Variants in IGFL4 observed in about 807,000 individuals in gnomAD.
IGFL4 encodes the protein insulin growth factor-like family member 4.
IGFL4 carries 12 observed loss-of-function variants against 15.4 expected under a neutral mutation model. The ratio of observed to expected loss-of-function variants is 0.78; its 90% CI spans 0.50 to 1.26. The LOEUF (loss-of-function observed/expected upper bound fraction) is 1.26, where lower values mean the gene tolerates loss of function less well. Ranked by LOEUF, IGFL4 falls within the 50% of genes most tolerant of loss-of-function variation. IGFL4 has a pLI of 0.00. For missense variants in IGFL4, 126 were observed against 147.8 expected, an observed-to-expected ratio of 0.85 and a Z score of 0.76; for synonymous variants, 54 against 55.9, an observed-to-expected ratio of 0.97 and a Z score of 0.16.
At chr19:46,053,421 G>A (rs1457394768) in intron 2 of IGFL4, among the ~76,000 whole-genome samples, 1 of 152,136 alleles carries the variant, frequency 6.6e-6, no homozygotes, top group African/African-American at 2.4e-5. Context: ...TACCATGTTG[G>A]CCAGGGTGGT....
chr19:46,056,586 G>A (rs1969394870), intron 2 of IGFL4, among the ~76,000 whole-genome samples: 2 of 152,192 alleles, frequency 1.3e-5, no homozygotes, highest in African/African-American at 4.8e-5. Flanking sequence ...GAAAAATACT[G>A]ACATGGGTGA....
chr19:46,039,568 T>C lies in IGFL4; in HGVS notation c.*324A>G, dbSNP rs1969214717. On this transcript the variant is annotated 3_prime_UTR_variant, in exon 4 of 4. Transcript: ENST00000377697. Reference sequence around the variant, plus strand: ...TTGTTTGTATCCTCTTTTATTTCCTTGAGCAGTGGTTTGTAGTTCTCCTTG... The same window carrying C: ...TTGTTTGTATCCTCTTTTATTTCCTCGAGCAGTGGTTTGTAGTTCTCCTTG... Among the ~76,000 whole-genome samples the C allele has an allele frequency of 7.0e-6, 1 of 142,736 alleles. No homozygotes were observed. The highest frequency in any genetic ancestry group is 7.1e-5 in the Admixed American group (1 of 14,016). 93.6% of individuals were successfully genotyped at this position (142,736 alleles called of 152,430 possible). A position where few individuals can be genotyped will look rare whatever the true frequency, so the allele number is the denominator to read the frequency against.
chr19:46,040,569 C>T lies in IGFL4; in HGVS notation c.20-1G>A, dbSNP rs1460273423. On this transcript the variant is annotated splice_acceptor_variant, in intron 1 of 3. Coordinates refer to ENST00000377697, the MANE Select transcript of IGFL4 (RefSeq NM_001002923.3). LOFTEE classifies it high-confidence loss of function. The surrounding 1 kb of genome is among the most constrained non-coding windows in gnomAD (Gnocchi z 4.1). ...AAAAGTTCAAAAATGAAGATGGCAG[C>T]TGAGAAGCAGAAGGAGAGCGAGAAT... 1.2e-6 allele frequency: 2 copies of T among 1,613,984 alleles called. No homozygotes were observed. Among genetic ancestry groups the T allele is most frequent in the Admixed American group, 3.3e-5 (2 of 60,022 alleles).
chr19:46,069,884 A>G (rs1969529508), intron 1 of IGFL4, among the ~76,000 whole-genome samples: 1 of 152,250 alleles, frequency 6.6e-6, no homozygotes, highest in Admixed American at 6.5e-5. Context: ...AGATTAGACT[A>G]AAGCAATAAA....
chr19:46,071,617 G>A (rs1969546578), intron 1 of IGFL4, among the ~76,000 whole-genome samples: 1 of 152,222 alleles, frequency 6.6e-6, no homozygotes, highest in South Asian at 2.1e-4. Flanking sequence ...CTGGTCTGCT[G>A]ATCATGGACA....
At chr19:46,063,598 A>G (rs1451949984) in intron 1 of IGFL4, among the ~76,000 whole-genome samples, 3 of 152,096 alleles carry the variant, frequency 2.0e-5, no homozygotes, top group Non-Finnish European at 4.4e-5. Context: ...CTTGCCATAC[A>G]CTCTGCATCT....
chr19:46,053,504 C>A (rs2146517794), intron 2 of IGFL4, among the ~76,000 whole-genome samples: 1 of 152,272 alleles, frequency 6.6e-6, no homozygotes, highest in South Asian at 2.1e-4. Flanking sequence ...ACCATATTTT[C>A]TTTATTCATT....
chr19:46,049,460 T>C (rs931101753), intron 2 of IGFL4, among the ~76,000 whole-genome samples: 1 of 152,190 alleles, frequency 6.6e-6, no homozygotes, highest in African/African-American at 2.4e-5. Flanking sequence ...TTTTGGGTTG[T>C]GGGCTGCATG....
intron 2 of IGFL4, among the ~76,000 whole-genome samples, chr19:46,057,371 T>C (rs1969402668): frequency 1.3e-5 from 2 of 152,156 alleles, no homozygotes; most frequent in African/African-American, 4.8e-5. Context: ...GGTTTATAAC[T>C]GGATTTGAGT....
intron 1 of IGFL4, among the ~76,000 whole-genome samples, chr19:46,071,393 A>G (rs1969544409): frequency 6.6e-6 from 1 of 152,102 alleles, no homozygotes; most frequent in African/African-American, 2.4e-5. Context: ...CTCTTATATC[A>G]CTAGTATCAC....
intron 2 of IGFL4, among the ~76,000 whole-genome samples, chr19:46,048,683 T>C (rs796936022): frequency 6.6e-6 from 1 of 151,736 alleles, no homozygotes; most frequent in Admixed American, 6.6e-5. Context: ...ACAAAAAGAA[T>C]AAAATACCTA....
Position 46,040,585 on chromosome 19 carries a change from G to T in IGFL4, c.20-17C>A. 1 of 1,613,794 alleles carries T rather than the reference G, an allele frequency of 6.2e-7. No individual in the cohort carries two copies. The highest frequency in any genetic ancestry group is 1.1e-5 in the South Asian group (1 of 91,084). On this transcript the variant is annotated splice_polypyrimidine_tract_variant and intron_variant, in intron 1 of 3. Coordinates refer to ENST00000377697, the MANE Select transcript of IGFL4 (RefSeq NM_001002923.3). This position sits in a 1 kb window ranked among gnomAD's most constrained non-coding sequence, Gnocchi z 4.1. The stretch of plus-strand genomic sequence containing the variant: ...AGATGGCAGCTGAGAAGCAGAAGGA[G>T]AGCGAGAATGATTCTGAGGTCACTA...
At chr19:46,058,887 A>AT (rs2146521571) in intron 2 of IGFL4, 1 of 152,348 alleles carries the variant, frequency 6.6e-6, no homozygotes, top group East Asian at 1.9e-4. Context: ...TGGATTATTC[A>AT]TGAATTTTCC....
chr19:46,052,167 C>T (rs1969351030), intron 2 of IGFL4, among the ~76,000 whole-genome samples: 1 of 152,098 alleles, frequency 6.6e-6, no homozygotes, highest in African/African-American at 2.4e-5. Context: ...TTCTATGCAA[C>T]GACTGCAGGG....
chr19:46,041,763 A>G (rs1426620537), upstream of IGFL4, among the ~76,000 whole-genome samples: 2 of 151,590 alleles, frequency 1.3e-5, no homozygotes, highest in Non-Finnish European at 2.9e-5. Context: ...GATAAGGCAC[A>G]GGTATTAGAG....
chr19:46,046,577 A>T (rs1969299272), intron 2 of IGFL4, among the ~76,000 whole-genome samples: 1 of 152,240 alleles, frequency 6.6e-6, no homozygotes, highest in Non-Finnish European at 1.5e-5. Flanking sequence ...TATCAAGGAA[A>T]TGGAAAACAG....
chr19:46,063,074 G>A (rs2146524336), intron 1 of IGFL4: 1 of 152,254 alleles, frequency 6.6e-6, no homozygotes, highest in South Asian at 2.1e-4. Context: ...TGCCTAAGAT[G>A]GGCCTTGAAC....
chr19:46,076,518 C>T (rs1272305359), intron 1 of IGFL4, among the ~76,000 whole-genome samples: 1 of 152,072 alleles, frequency 6.6e-6, no homozygotes, highest in East Asian at 1.9e-4. Flanking sequence ...GCCATTTCTC[C>T]AAGGACTGTG....
intron 1 of IGFL4, among the ~76,000 whole-genome samples, chr19:46,076,534 C>A (rs1301032927): frequency 6.6e-6 from 1 of 151,864 alleles, no homozygotes; most frequent in Non-Finnish European, 1.5e-5. Flanking sequence ...CTGTGCAGTC[C>A]TTTTTTACAC....
Sources: allele counts gnomAD v4.1 joint callset (sites outside exome capture counted in the v4.1 genomes callset), GRCh38; gene constraint gnomAD v4.1.1; non-coding constraint Gnocchi (gnomAD v3.1); transcripts MANE v1.5; gene names NCBI Gene and HGNC (gene_info 2026-07-23, HGNC 2026-07-21).